The following SLC24A3 variants were observed in gnomAD, a reference collection of about 807,000 sequenced individuals.
The protein encoded by SLC24A3 is solute carrier family 24 member 3.
In SLC24A3, 28 loss-of-function variants were observed where a neutral mutation model predicts 75.8. The observed-to-expected ratio is 0.37, with a 90% confidence interval of 0.27 to 0.51. The LOEUF is 0.51. Among genes scored for constraint, SLC24A3 ranks in the 20% least tolerant of loss-of-function variants. SLC24A3 has a pLI of 0.94. For synonymous variants in SLC24A3, 372 were observed against 334.1 expected, an observed-to-expected ratio of 1.11 and a Z score of -1.24; for missense variants, 663 against 847.8, an observed-to-expected ratio of 0.78 and a Z score of 2.71.
intron 2 of SLC24A3, among the ~76,000 whole-genome samples, chr20:19,385,977 G>A (rs760323306): frequency 6.6e-5 from 10 of 152,126 alleles, no homozygotes; most frequent in Non-Finnish European, 1.5e-4. Flanking sequence ...AATTTTGATA[G>A]GGATTACATT....
At chr20:19,274,066 G>A (rs1983410532) in intron 1 of SLC24A3, among the ~76,000 whole-genome samples, 1 of 151,242 alleles carries the variant, frequency 6.6e-6, no homozygotes, top group East Asian at 2.0e-4. Context: ...GTTAAAGGGA[G>A]GCCTGTCCTA....
intron 8 of SLC24A3, among the ~76,000 whole-genome samples, chr20:19,670,599 G>A (rs2032454505): frequency 6.6e-6 from 1 of 152,198 alleles, no homozygotes; most frequent in South Asian, 2.1e-4. Context: ...TTCATTTTCT[G>A]GTGACTTCTC....
chr20:19,580,128 G>C, intron 4 of SLC24A3, 54 bp downstream of exon 4: 2 of 1,486,860 alleles, frequency 1.3e-6, no homozygotes, highest in Non-Finnish European at 1.9e-6. Flanking sequence ...CTGGACCTGT[G>C]CCCTGTACTG....
At chr20:19,606,026 C>G (rs1230392363) in intron 6 of SLC24A3, among the ~76,000 whole-genome samples, 1 of 152,210 alleles carries the variant, frequency 6.6e-6, no homozygotes, top group Non-Finnish European at 1.5e-5. Flanking sequence ...TATCCCCCAG[C>G]TGGACTTCCT....
intron 3 of SLC24A3, among the ~76,000 whole-genome samples, chr20:19,536,399 G>A (rs1356703711): frequency 1.3e-5 from 2 of 152,088 alleles, no homozygotes; most frequent in African/African-American, 2.4e-5. Context: ...ATGATGGAGT[G>A]GGGCAGGTCT....
At chr20:19,569,055 C>G (rs1352788773) in intron 3 of SLC24A3, among the ~76,000 whole-genome samples, 2 of 152,148 alleles carry the variant, frequency 1.3e-5, no homozygotes, top group African/African-American at 4.8e-5. Context: ...AGGAAGCAGT[C>G]CAGCTCAGGA....
intron 6 of SLC24A3, among the ~76,000 whole-genome samples, chr20:19,609,705 C>A (rs369182562): frequency 6.6e-6 from 1 of 152,210 alleles, no homozygotes. Flanking sequence ...TGCAACCATT[C>A]TTTACTTATG....
rs775418036 is a variant in SLC24A3 at position 19,585,558 on chromosome 20, C to T, written c.612+14C>T. ...TTTGCTGGGCAGGTAAGACTGGCGG[C>T]TTCTTTGTGATGGCAAAATGTGACA... On this transcript the variant is annotated intron_variant, in intron 6 of 16. Transcript: ENST00000328041. 1 of 1,611,200 alleles carries T rather than the reference C, an allele frequency of 6.2e-7. No homozygotes were observed. The highest frequency in any genetic ancestry group is 1.1e-5 in the South Asian group (1 of 90,722).
chr20:19,675,797 C>A (rs2032514939), intron 9 of SLC24A3, among the ~76,000 whole-genome samples: 1 of 152,154 alleles, frequency 6.6e-6, no homozygotes, highest in Non-Finnish European at 1.5e-5. Flanking sequence ...AAAGGAAAAG[C>A]CTTTAAAGAT....
intron 2 of SLC24A3, among the ~76,000 whole-genome samples, chr20:19,401,148 CT>C (rs1986545820): frequency 6.6e-6 from 1 of 152,126 alleles, no homozygotes; most frequent in Non-Finnish European, 1.5e-5. Context: ...CCCAATTGCT[CT>C]TCCTGAGATT....
intron 3 of SLC24A3, among the ~76,000 whole-genome samples, chr20:19,546,178 A>AAAAAAAAAAAAAAAAAAAC (rs1568651708): frequency 6.7e-6 from 1 of 149,756 alleles, no homozygotes; most frequent in African/African-American, 2.4e-5. Context: ...AAAAAAAAAA[A>AAAAAAAAAAAAAAAAAAAC]AAAAAAAAAA....
chr20:19,467,348 G>T (rs6112399), intron 2 of SLC24A3, among the ~76,000 whole-genome samples: 30 of 152,246 alleles, frequency 2.0e-4, no homozygotes, highest in African/African-American at 6.0e-4. Context: ...TAACCACTTG[G>T]TGGATTGTGA....
intron 2 of SLC24A3, among the ~76,000 whole-genome samples, chr20:19,296,673 C>T (rs1984069703): frequency 1.3e-5 from 2 of 152,274 alleles, no homozygotes; most frequent in South Asian, 4.1e-4. Context: ...ACCCCACTGT[C>T]AATATTAGGC....
At chr20:19,694,515 A>G (rs897675931) in intron 13 of SLC24A3, 8 of 152,152 alleles carry the variant, frequency 5.3e-5, no homozygotes, top group African/African-American at 1.9e-4. Context: ...TTAAAACCCA[A>G]GTTTTATAGC....
intron 1 of SLC24A3, among the ~76,000 whole-genome samples, chr20:19,219,239 G>A (rs1467081194): frequency 6.6e-6 from 1 of 151,908 alleles, no homozygotes; most frequent in Non-Finnish European, 1.5e-5. Flanking sequence ...TGCTAGTCCC[G>A]GACGGCCCAC....
At chr20:19,302,978 C>T (rs1051326375) in intron 2 of SLC24A3, among the ~76,000 whole-genome samples, 8 of 151,184 alleles carry the variant, frequency 5.3e-5, no homozygotes, top group Middle Eastern at 3.4e-3. Context: ...GGTTGTGGAA[C>T]GTGATAATGA....
At chr20:19,334,777 T>TG (rs1190781461) in intron 2 of SLC24A3, among the ~76,000 whole-genome samples, 2 of 152,170 alleles carry the variant, frequency 1.3e-5, no homozygotes, top group Admixed American at 6.5e-5. Context: ...ACATGGACGC[T>TG]GGGGGGCTCA....
At chr20:19,515,046 C>T (rs2029957318) in intron 2 of SLC24A3, among the ~76,000 whole-genome samples, 1 of 152,186 alleles carries the variant, frequency 6.6e-6, no homozygotes, top group East Asian at 1.9e-4. Context: ...AAGCAGTTTT[C>T]AATGCATGCA....
chr20:19,522,776 C>T (rs763646965), intron 3 of SLC24A3, among the ~76,000 whole-genome samples: 7 of 92,460 alleles, frequency 7.6e-5, no homozygotes, highest in Non-Finnish European at 1.4e-4. Context: ...GGAGAGGCTG[C>T]TCCTGCAGGG....
Sources: allele counts gnomAD v4.1 joint callset (sites outside exome capture counted in the v4.1 genomes callset), GRCh38; gene constraint gnomAD v4.1.1; transcripts MANE v1.5; gene names NCBI Gene and HGNC (gene_info 2026-07-23, HGNC 2026-07-21).